The following PIN4 variants were observed in gnomAD, a reference collection of about 807,000 sequenced individuals.
PIN4 encodes the protein peptidylprolyl cis/trans isomerase, NIMA-interacting 4, also known as peptidyl-prolyl cis-trans isomerase NIMA-interacting 4.
In PIN4, 3 loss-of-function variants were observed where a neutral mutation model predicts 8.3. The ratio of observed to expected loss-of-function variants is 0.36; its 90% confidence interval spans 0.16 to 0.93. The LOEUF (loss-of-function observed/expected upper bound fraction) is 0.93, where lower values mean the gene tolerates loss of function less well. Ranked by LOEUF, PIN4 falls within the 40% of genes least tolerant of loss-of-function variation. The probability of loss-of-function intolerance (pLI) is 0.44; values close to 1 mark genes in which losing one functional copy is unlikely to be tolerated. For missense variants in PIN4, 75 were observed against 100.6 expected, an observed-to-expected ratio of 0.75 and a Z score of 1.09; for synonymous variants, 18 against 32.5, an observed-to-expected ratio of 0.55 and a Z score of 1.52.
intron 3 of PIN4, among the ~76,000 whole-genome samples, chrX:72,211,457 TTA>T (rs926010845): frequency 1.8e-5 from 2 of 111,976 alleles, no homozygotes; most frequent in Admixed American, 1.9e-4. Context: ...TTACCTGAAA[TTA>T]TATGACTAGA....
chrX:72,208,191 C>T, intron 3 of PIN4: 1 of 1,211,680 alleles, frequency 8.3e-7, no homozygotes, highest in Non-Finnish European at 1.1e-6. Flanking sequence ...CATTCCTTTG[C>T]TGAATCCGAT....
At chrX:72,256,320 A>C (rs918979878) in intron 3 of PIN4, among the ~76,000 whole-genome samples, 5 of 112,078 alleles carry the variant, frequency 4.5e-5, no homozygotes, top group Non-Finnish European at 9.4e-5. Flanking sequence ...TATATTTACT[A>C]TAAGGAATTG....
intron 3 of PIN4, chrX:72,205,157 C>T (rs750433514): frequency 8.3e-7 from 1 of 1,211,739 alleles, no homozygotes; most frequent in Admixed American, 2.2e-5. Context: ...CCACGCTTTA[C>T]AAGAGTCTCA....
At chrX:72,253,946 A>C (rs2043098084) in intron 3 of PIN4, among the ~76,000 whole-genome samples, 1 of 110,748 alleles carries the variant, frequency 9.0e-6, no homozygotes, top group Non-Finnish European at 1.9e-5. Flanking sequence ...TGAGCAACAG[A>C]GTGAAACCCT....
chrX:72,209,331 C>G (rs1454013362), intron 3 of PIN4, among the ~76,000 whole-genome samples: 1 of 112,090 alleles, frequency 8.9e-6, no homozygotes, highest in African/African-American at 3.2e-5. Context: ...AAGCTCTACT[C>G]TAGACCCATA....
intron 3 of PIN4, among the ~76,000 whole-genome samples, chrX:72,246,249 A>G (rs1325541765): frequency 1.8e-5 from 2 of 111,787 alleles, no homozygotes; most frequent in African/African-American, 6.5e-5. Flanking sequence ...CTCAAGTTCA[A>G]TTCATCAGTG....
At chrX:72,240,780 A>G (rs1267348748) in intron 3 of PIN4, among the ~76,000 whole-genome samples, 1 of 103,126 alleles carries the variant, frequency 9.7e-6, no homozygotes, top group Admixed American at 1.0e-4. Context: ...AGCCTGGGCG[A>G]CAGAGCAAGA....
intron 3 of PIN4, chrX:72,207,349 C>T (rs1268887460): frequency 1.7e-6 from 2 of 1,209,694 alleles, no homozygotes; most frequent in South Asian, 1.8e-5. Context: ...TCCCTCATCT[C>T]GCAGCCTCTT....
At chrX:72,232,232 A>T (rs2147603672) in intron 3 of PIN4, among the ~76,000 whole-genome samples, 1 of 103,446 alleles carries the variant, frequency 9.7e-6, no homozygotes, top group South Asian at 4.7e-4. Context: ...GATGAGATTT[A>T]AAGCCAAGAA....
chrX:72,199,325 A>G (rs776380274), downstream of PIN4, among the ~76,000 whole-genome samples: 1 of 111,875 alleles, frequency 8.9e-6, no homozygotes, highest in South Asian at 3.7e-4. Flanking sequence ...ACTTGAGGTC[A>G]GGAATTTAAG....
Position 72,197,885 on chromosome X carries a change from A to G in PIN4, c.*359A>G. On this transcript the variant is annotated 3_prime_UTR_variant, in exon 4 of 4. Transcript: ENST00000373669. ...AGATATCAACTCACACTATTCACACAACTGAAAATATTGGGCATCAAATAG... is the reference window on the plus strand; with the variant it reads ...AGATATCAACTCACACTATTCACACGACTGAAAATATTGGGCATCAAATAG... 1 of 761,088 alleles carries G rather than the reference A, an allele frequency of 1.3e-6. No homozygotes were observed. Among genetic ancestry groups the G allele is most frequent in the Non-Finnish European group, 1.6e-6 (1 of 640,672 alleles). The allele number at this position is 761,088 out of a possible 1,213,427, so 62.7% of individuals were successfully genotyped here.
chrX:72,250,173 G>A (rs1452916463), intron 3 of PIN4, among the ~76,000 whole-genome samples: 1 of 109,777 alleles, frequency 9.1e-6, no homozygotes, highest in Non-Finnish European at 1.9e-5. Context: ...AGGCGAGTGA[G>A]GGTAAGTGCA....
chrX:72,219,847 C>CA (rs55860938), intron 3 of PIN4, among the ~76,000 whole-genome samples: 24,641 of 64,695 alleles, frequency 0.38, 3,431 homozygotes, highest in East Asian at 0.56. Flanking sequence ...GACTCCGTCT[C>CA]AAAAAAAAAA....
At chrX:72,210,264 A>G (rs2042846761) in intron 3 of PIN4, among the ~76,000 whole-genome samples, 1 of 110,260 alleles carries the variant, frequency 9.1e-6, no homozygotes, top group African/African-American at 3.3e-5. Flanking sequence ...AGATATACAG[A>G]TGGGCACATG....
chrX:72,244,365 G>A (rs958426222), intron 3 of PIN4, among the ~76,000 whole-genome samples: 3 of 111,851 alleles, frequency 2.7e-5, no homozygotes, highest in Non-Finnish European at 3.8e-5. Context: ...CTGAAGGGTA[G>A]GGAGGAGTTA....
At chrX:72,187,150 A>G (rs976873865) in intron 2 of PIN4, among the ~76,000 whole-genome samples, 1 of 111,856 alleles carries the variant, frequency 8.9e-6, no homozygotes, top group South Asian at 3.7e-4. Context: ...CCAAGAGATT[A>G]GATAAGTGTT....
At chrX:72,232,630 G>A (rs1602452412) in intron 3 of PIN4, among the ~76,000 whole-genome samples, 1 of 111,202 alleles carries the variant, frequency 9.0e-6, no homozygotes. Context: ...CTAACATGAC[G>A]AAACCCCGTT....
intron 3 of PIN4, among the ~76,000 whole-genome samples, chrX:72,259,216 T>C (rs896293723): frequency 1.4e-5 from 1 of 71,484 alleles, no homozygotes; most frequent in Non-Finnish European, 2.4e-5. Flanking sequence ...AGTTTACTAC[T>C]TTTTTTTTTT....
chrX:72,199,080 T>G (rs1342325294), downstream of PIN4: 4 of 103,882 alleles, frequency 3.9e-5, no homozygotes, highest in Non-Finnish European at 5.7e-5. Context: ...AAACTACATG[T>G]TATTGATTGA....
Sources: gnomAD v4.1 joint callset for allele counts (sites outside exome capture counted in the v4.1 genomes callset) on GRCh38, gnomAD v4.1.1 for gene constraint, MANE v1.5 for transcripts, NCBI Gene and HGNC (gene_info 2026-07-23, HGNC 2026-07-21) for gene names.